Variants in HMGCS2 observed in about 807,000 individuals in gnomAD.
The protein encoded by HMGCS2 is 3-hydroxy-3-methylglutaryl-CoA synthase 2.
In HMGCS2, 50 loss-of-function variants were observed where a neutral mutation model predicts 57.4. The observed-to-expected ratio is 0.87, with a 90% CI of 0.69 to 1.10. The LOEUF (loss-of-function observed/expected upper bound fraction) is 1.10. Among genes scored for constraint, HMGCS2 ranks in the 50% least tolerant of loss-of-function variants. HMGCS2 has a pLI of 0.00. For synonymous variants in HMGCS2, 254 were observed against 245.1 expected (o/e 1.04, Z -0.34); for missense variants, 627 against 636.5 (o/e 0.99, Z 0.16).
intron 2 of HMGCS2, among the ~76,000 whole-genome samples, chr1:119,763,450 G>A (rs1266445895): frequency 2.6e-5 from 4 of 152,088 alleles, no homozygotes; most frequent in Non-Finnish European, 5.9e-5. Flanking sequence ...TATAAGTTAA[G>A]CAAGGCAGAT....
In HMGCS2 at chr1:119,759,298, A is replaced by C. The variant is rs753478871; in HGVS notation, c.686-16T>G. 3 of 1,612,856 alleles carry C rather than the reference A, an allele frequency of 1.9e-6. No homozygotes were observed. In the Admixed American group the frequency reaches 5.0e-5, roughly 27 times the overall value. ...CCCCTCAGCCCTGGAAAGGCACACA[A>C]AGTGTTTCAGAGACTACACAATGCA... On this transcript the variant is annotated splice_polypyrimidine_tract_variant and intron_variant, in intron 3 of 9. Coordinates refer to ENST00000369406, the MANE Select transcript of HMGCS2 (RefSeq NM_005518.4).
At chr1:119,757,178 C>T (rs1159716725) in intron 5 of HMGCS2, 95 bp downstream of exon 5, 1 of 1,602,284 alleles carries the variant, frequency 6.2e-7, no homozygotes, top group South Asian at 1.1e-5. Context: ...ATTTGTCCCC[C>T]ACAGGGGTGC....
At chr1:119,765,797 C>T (rs1167157825) in intron 1 of HMGCS2, among the ~76,000 whole-genome samples, 2 of 152,098 alleles carry the variant, frequency 1.3e-5, no homozygotes, top group Admixed American at 1.3e-4. Flanking sequence ...CACTGTTTTC[C>T]TACTTTTAAG....
At chr1:119,750,585 G>A (rs1351371787) in intron 9 of HMGCS2, among the ~76,000 whole-genome samples, 1 of 152,088 alleles carries the variant, frequency 6.6e-6, no homozygotes, top group East Asian at 1.9e-4. Flanking sequence ...CCCTGGCCTG[G>A]TTAATGTTCC....
chr1:119,763,645 G>A (rs944864067), intron 2 of HMGCS2, among the ~76,000 whole-genome samples: 4 of 152,200 alleles, frequency 2.6e-5, no homozygotes, highest in Non-Finnish European at 5.9e-5. Context: ...ATGTTAATAT[G>A]TTAAGCAAAA....
chr1:119,753,262 T>G lies in HMGCS2; in HGVS notation c.1294+18A>C. Reference sequence around the variant, plus strand: ...GATGAATCTTGTCAGGAAGGCCTACTAGAAAGATGACACTCACCTGGAGCA... The same window carrying G: ...GATGAATCTTGTCAGGAAGGCCTACGAGAAAGATGACACTCACCTGGAGCA... On this transcript the variant is annotated intron_variant, in intron 7 of 9. Coordinates refer to ENST00000369406, the MANE Select transcript of HMGCS2 (RefSeq NM_005518.4). 1 of 1,497,058 alleles carries G rather than the reference T, an allele frequency of 6.7e-7. No homozygotes were observed. The highest frequency in any genetic ancestry group is 9.3e-7 in the Non-Finnish European group (1 of 1,073,902). The allele number at this position is 1,497,058 out of a possible 1,614,324, so 92.7% of individuals were successfully genotyped here.
At chr1:119,749,443 T>C (rs1453576626) in intron 9 of HMGCS2, among the ~76,000 whole-genome samples, 1 of 148,448 alleles carries the variant, frequency 6.7e-6, no homozygotes. Flanking sequence ...TGAACTAAGT[T>C]GACACATTTA....
chr1:119,760,900 A>G (rs1653015068), intron 2 of HMGCS2, among the ~76,000 whole-genome samples: 1 of 152,116 alleles, frequency 6.6e-6, no homozygotes, highest in South Asian at 2.1e-4. Flanking sequence ...AGGGCTAAAG[A>G]ATTTAAGCCA....
chr1:119,751,545 AT>A lies in HMGCS2; in HGVS notation c.1421-638del, dbSNP rs200947072. On this transcript the variant is annotated intron_variant, in intron 8 of 9. Transcript: ENST00000369406. ...ACTCGGCTAATTTTTACATAATTTT[AT>A]TTTTTTTATTATATTCATATTTTTA... is the stretch of plus-strand genomic sequence containing the variant. Among the ~76,000 whole-genome samples the A allele has an allele frequency of 4.7e-3, 715 of 150,676 alleles. 6 individuals carry two copies. The highest frequency in any genetic ancestry group is 0.016 in the African/African-American group (674 of 41,218).
intron 5 of HMGCS2, 92 bp from the exon 6 acceptor site, chr1:119,755,689 G>A (rs1652814408): frequency 1.7e-6 from 2 of 1,148,646 alleles, no homozygotes; most frequent in African/African-American, 3.0e-5. Context: ...AGAGGACTTT[G>A]GGGCGCATGT....
intron 5 of HMGCS2, among the ~76,000 whole-genome samples, chr1:119,756,522 C>T (rs1652843270): frequency 6.6e-6 from 1 of 152,008 alleles, no homozygotes; most frequent in Non-Finnish European, 1.5e-5. Flanking sequence ...ACTTGGTAGC[C>T]TATTCTACTG....
chr1:119,752,134 G>T (rs1182873216), intron 8 of HMGCS2, among the ~76,000 whole-genome samples: 2 of 152,174 alleles, frequency 1.3e-5, no homozygotes, highest in African/African-American at 4.8e-5. Context: ...TATGATTTTA[G>T]AAATAAGACA....
At chr1:119,753,178 G>A (rs113116115) in intron 7 of HMGCS2, 102 bp downstream of exon 7, 44 of 756,052 alleles carry the variant, frequency 5.8e-5, no homozygotes, top group Middle Eastern at 2.3e-4. Context: ...TAATAATAAC[G>A]TAACTCTGTC....
At chr1:119,767,887 A>T (rs1051256163) in intron 1 of HMGCS2, among the ~76,000 whole-genome samples, 3 of 152,214 alleles carry the variant, frequency 2.0e-5, no homozygotes, top group Admixed American at 2.0e-4. Context: ...GAGTGAGATG[A>T]TGGTAGCATA....
intron 4 of HMGCS2, among the ~76,000 whole-genome samples, chr1:119,758,185 A>T (rs1652914555): frequency 6.6e-6 from 1 of 152,284 alleles, no homozygotes. Flanking sequence ...TGAGCAGGCA[A>T]GAATACTATT....
rs114795288 is a variant in HMGCS2, at chr1:119,763,211, C to T, written c.559+961G>A. ...AGATAAACTGTTACACTCCTCTTGA[C>T]CTCTTTTTTCTAAAGCAAAAGATAT... On this transcript the variant is annotated intron_variant, in intron 2 of 9. Coordinates refer to ENST00000369406, the MANE Select transcript of HMGCS2 (RefSeq NM_005518.4). 2.8e-3 allele frequency among the ~76,000 whole-genome samples: 423 copies of T among 152,278 alleles called. 3 individuals are homozygous for T. The highest frequency in any genetic ancestry group is 9.9e-3 in the African/African-American group (411 of 41,552).
At chr1:119,767,501 T>C (rs1653274165) in intron 1 of HMGCS2, among the ~76,000 whole-genome samples, 1 of 152,188 alleles carries the variant, frequency 6.6e-6, no homozygotes, top group South Asian at 2.1e-4. Context: ...GCACAAGTCT[T>C]ACCGAATTTT....
rs1051817360 is a variant in HMGCS2, at chr1:119,764,563, G to A, written c.168C>T (p.Ile56=). The change falls in exon 2 of 10, where the codon ATC becomes ATT. Residue 56 remains isoleucine (I), a synonymous_variant. Transcript: ENST00000369406. Reference sequence around the variant, plus strand: ...CTGGGAAGTAGACCTCCAGGGCCAGGATGCCCACGTCCTTTGGCCAAGTAT... The same window carrying A: ...CTGGGAAGTAGACCTCCAGGGCCAGAATGCCCACGTCCTTTGGCCAAGTAT... The part of the protein sequence containing the change: ...KTDTWPKDVG[I]LALEVYFPAQ... 1.2e-6 allele frequency: 2 copies of A among 1,614,078 alleles called. No individual in the cohort carries two copies. Among genetic ancestry groups the A allele is most frequent in the Non-Finnish European group, 1.7e-6 (2 of 1,180,040 alleles).
chr1:119,768,921 G>T, upstream of HMGCS2: 2 of 1,038,212 alleles, frequency 1.9e-6, no homozygotes, highest in Non-Finnish European at 1.5e-6. Flanking sequence ...GTGGTGCCCG[G>T]CAGGACTTTA....
Sources: allele counts gnomAD v4.1 joint callset (sites outside exome capture counted in the v4.1 genomes callset), GRCh38; gene constraint gnomAD v4.1.1; transcripts MANE v1.5; gene names NCBI Gene and HGNC (gene_info 2026-07-23, HGNC 2026-07-21).